ZMYND11: variants seen among roughly 807,000 people sequenced by gnomAD.
ZMYND11 encodes the protein zinc finger MYND domain-containing protein 11.
In ZMYND11, 9 loss-of-function variants were observed where a neutral mutation model predicts 84.9. That is an observed-to-expected ratio of 0.11 (90% CI 0.06 to 0.18). ZMYND11 has a LOEUF of 0.18. ZMYND11 is among the 10% of genes least tolerant of loss of function. The probability of loss-of-function intolerance (pLI) is 1.00; values close to 1 mark genes in which losing one functional copy is unlikely to be tolerated. For missense variants in ZMYND11, 409 were observed against 761.0 expected, an observed-to-expected ratio of 0.54 and a Z score of 5.44; for synonymous variants, 250 against 244.1, an observed-to-expected ratio of 1.02 and a Z score of -0.23.
chr10:213,681 C>T (rs186682548), intron 3 of ZMYND11, among the ~76,000 whole-genome samples: 2 of 152,124 alleles, frequency 1.3e-5, no homozygotes, highest in East Asian at 3.9e-4. Context: ...ATAAGTCCCA[C>T]AAGTTATATC....
intron 4 of ZMYND11, among the ~76,000 whole-genome samples, chr10:230,383 A>G (rs1184834038): frequency 6.6e-6 from 1 of 150,816 alleles, no homozygotes; most frequent in African/African-American, 2.4e-5. Flanking sequence ...TGAGGCAGAA[A>G]GATTGCTTGA....
chr10:157,821 G>C lies in ZMYND11; in HGVS notation c.-19-22173G>C, dbSNP rs922921878. 5.9e-5 allele frequency among the ~76,000 whole-genome samples: 9 copies of C among 152,136 alleles called. No individual in the cohort carries two copies. In the East Asian group the frequency reaches 1.3e-3, roughly 23 times the overall value. ...TAGCCGTTACCACCGTCTAATTCCA[G>C]AGCATTTTCACTACCCCAAAAAGAA... On this transcript the variant is annotated intron_variant, in intron 1 of 14. Coordinates refer to ENST00000381604, the MANE Select transcript of ZMYND11 (RefSeq NM_001370100.5).
At chr10:251,748 G>T (rs1445411781) in intron 14 of ZMYND11, among the ~76,000 whole-genome samples, 2 of 152,116 alleles carry the variant, frequency 1.3e-5, no homozygotes, top group Non-Finnish European at 2.9e-5. Flanking sequence ...CATTCTTTGG[G>T]GGAGGTGTAC....
chr10:135,881 G>A lies in ZMYND11; in HGVS notation c.-20+322G>A, dbSNP rs1430937208. 6.6e-6 allele frequency among the ~76,000 whole-genome samples: 1 copy of A among 151,292 alleles called. No individual in the cohort carries two copies. The highest frequency in any genetic ancestry group is 2.4e-5 in the African/African-American group (1 of 41,326). On this transcript the variant is annotated intron_variant, in intron 1 of 14. Coordinates refer to ENST00000381604, the MANE Select transcript of ZMYND11 (RefSeq NM_001370100.5). This position sits in a 1 kb window ranked among gnomAD's most constrained non-coding sequence, Gnocchi z 5.6. ...GGACCGCGCGGGGCCTGCTCGGGCC[G>A]GGAAGCCGCGGAGTCGCGTGAGCAC...
At chr10:246,553 GTT>G (rs1952200644) in intron 10 of ZMYND11, among the ~76,000 whole-genome samples, 1 of 152,162 alleles carries the variant, frequency 6.6e-6, no homozygotes, top group South Asian at 2.1e-4. Context: ...CTTGGTAACA[GTT>G]TATTTATTCA....
At chr10:132,873 T>C (rs560233186), upstream of ZMYND11, among the ~76,000 whole-genome samples, 1 of 152,170 alleles carries the variant, frequency 6.6e-6, no homozygotes, top group Non-Finnish European at 1.5e-5. Flanking sequence ...CAGGGCTCAG[T>C]GGCACCCGCT....
chr10:187,725 C>G (rs1277837971), intron 2 of ZMYND11, among the ~76,000 whole-genome samples: 1 of 151,806 alleles, frequency 6.6e-6, no homozygotes, highest in Non-Finnish European at 1.5e-5. Context: ...AGTCTGAAAT[C>G]AAAATATGTA....
At chr10:199,969 A>G (rs983287830) in intron 2 of ZMYND11, among the ~76,000 whole-genome samples, 5 of 151,752 alleles carry the variant, frequency 3.3e-5, no homozygotes, top group African/African-American at 1.2e-4. Context: ...GGCTCAAGCA[A>G]TCCTCCCACC....
At chr10:166,894 C>A (rs782079770) in intron 1 of ZMYND11, among the ~76,000 whole-genome samples, 1 of 151,958 alleles carries the variant, frequency 6.6e-6, no homozygotes, top group African/African-American at 2.4e-5. Context: ...TTTATCCATA[C>A]GGTGGAATAT....
At position 210,146 on chromosome 10, in the gene ZMYND11, T is replaced by C. The variant is rs1564387593; in HGVS notation, c.276+98T>C. On this transcript the variant is annotated intron_variant, in intron 3 of 14. Transcript: ENST00000381604. ...TAGAAAATCATTTTCAGAAGTTTAA[T>C]ATTTCATTTTAACATTTGTATCAAC... is the stretch of plus-strand genomic sequence containing the variant. The C allele has an allele frequency of 3.0e-6, 4 of 1,314,752 alleles. No homozygotes were observed. In the South Asian group the frequency reaches 4.2e-5, roughly 14 times the overall value. The allele number at this position is 1,314,752 out of a possible 1,614,324, so 81.4% of individuals were successfully genotyped here.
At chr10:202,082 T>G (rs1329913210) in intron 2 of ZMYND11, among the ~76,000 whole-genome samples, 1 of 152,208 alleles carries the variant, frequency 6.6e-6, no homozygotes, top group African/African-American at 2.4e-5. Flanking sequence ...GAGTACTTGA[T>G]GATCTAAGAA....
intron 1 of ZMYND11, among the ~76,000 whole-genome samples, chr10:158,986 T>TGA (rs1384259301): frequency 7.5e-6 from 1 of 132,902 alleles, no homozygotes; most frequent in Non-Finnish European, 1.6e-5. Context: ...GGTTTTTTGT[T>TGA]TTTTGTTTTT....
At chr10:201,156 G>C (rs1347804822) in intron 2 of ZMYND11, among the ~76,000 whole-genome samples, 1 of 151,998 alleles carries the variant, frequency 6.6e-6, no homozygotes, top group African/African-American at 2.4e-5. Context: ...CCAGTAGGGG[G>C]CCATAAGGTA....
intron 2 of ZMYND11, among the ~76,000 whole-genome samples, chr10:181,747 C>G (rs1308730646): frequency 6.6e-6 from 1 of 151,962 alleles, no homozygotes; most frequent in Non-Finnish European, 1.5e-5. Context: ...ATGTACAACT[C>G]CTTGCTCCTA....
intron 10 of ZMYND11, among the ~76,000 whole-genome samples, chr10:243,618 C>T (rs966763987): frequency 6.6e-6 from 1 of 152,176 alleles, no homozygotes; most frequent in African/African-American, 2.4e-5. Context: ...GTAATCCCTG[C>T]ACTTTGGGAG....
rs1835900827 is a variant in ZMYND11, at chr10:135,933, T to C, written c.-20+374T>C. Among the ~76,000 whole-genome samples, 1 of 150,854 alleles carries C rather than the reference T, an allele frequency of 6.6e-6. No homozygotes were observed. The highest frequency in any genetic ancestry group is 2.4e-5 in the African/African-American group (1 of 41,064). On this transcript the variant is annotated intron_variant, in intron 1 of 14. Transcript: ENST00000381604. The surrounding 1 kb of genome is among the most constrained non-coding windows in gnomAD (Gnocchi z 5.6). ...GCCCGCCGGGCCCTGTGCCCCGCTTTCGGTCAGGCCTCCTGGGCCCGTGCG... is the reference window on the plus strand; with the variant it reads ...GCCCGCCGGGCCCTGTGCCCCGCTTCCGGTCAGGCCTCCTGGGCCCGTGCG...
In ZMYND11 at chr10:246,928, T is replaced by C; in HGVS notation, c.1113T>C (p.Gly371=). ...RFWKSKNEDR[G]EEEAESSISS... The stretch of plus-strand genomic sequence containing the variant: ...GGAAATCTAAGAATGAGGACCGAGG[T>C]GAGGAAGAGGCAGAATCCAGTATCT... Residue 371 remains glycine (G), a synonymous_variant, in exon 11 of 15, where the codon GGT becomes GGC. Coordinates refer to ENST00000381604, the MANE Select transcript of ZMYND11 (RefSeq NM_001370100.5). 3 of 1,612,228 alleles carry C rather than the reference T, an allele frequency of 1.9e-6. No individual in the cohort carries two copies. Among genetic ancestry groups the C allele is most frequent in the Non-Finnish European group, 2.5e-6 (3 of 1,179,356 alleles).
intron 1 of ZMYND11, among the ~76,000 whole-genome samples, chr10:144,147 T>TA (rs1838148426): frequency 6.6e-6 from 1 of 152,222 alleles, no homozygotes; most frequent in South Asian, 2.1e-4. Flanking sequence ...AATTTAAAGT[T>TA]AGACTTTCTC....
chr10:158,117 T>C (rs997197272), intron 1 of ZMYND11, among the ~76,000 whole-genome samples: 29 of 152,252 alleles, frequency 1.9e-4, no homozygotes, highest in Non-Finnish European at 3.5e-4. Flanking sequence ...TGTTTATCCA[T>C]TCATCAGTTG....
Sources: allele counts gnomAD v4.1 joint callset (sites outside exome capture counted in the v4.1 genomes callset), GRCh38; gene constraint gnomAD v4.1.1; non-coding constraint Gnocchi (gnomAD v3.1); transcripts MANE v1.5; gene names NCBI Gene and HGNC (gene_info 2026-07-23, HGNC 2026-07-21).